CPT1C: variants seen among roughly 807,000 people sequenced by gnomAD.
CPT1C encodes the protein palmitoyl thioesterase CPT1C.
In CPT1C, 61 loss-of-function variants were observed where a neutral mutation model predicts 97.3. That is an observed-to-expected ratio of 0.63 (90% confidence interval 0.51 to 0.78). CPT1C has a LOEUF of 0.78. CPT1C is among the 30% of genes least tolerant of loss of function. The pLI is 0.00. For missense variants in CPT1C, 975 were observed against 1,065.5 expected (o/e 0.92, Z 1.18); for synonymous variants, 469 against 447.2 (o/e 1.05, Z -0.61).
chr19:49,695,481 C>T (rs1287375279), intron 3 of CPT1C, among the ~76,000 whole-genome samples: 1 of 151,582 alleles, frequency 6.6e-6, no homozygotes, highest in Non-Finnish European at 1.5e-5. Context: ...GACAGGGTTT[C>T]ACCATGTTGG....
chr19:49,702,059 T>TATATATTTATTTATAATTTATAAATAA (rs2083165553), intron 7 of CPT1C, among the ~76,000 whole-genome samples: 3 of 77,856 alleles, frequency 3.9e-5, no homozygotes, highest in African/African-American at 1.4e-4. Context: ...ATTATAAATA[T>TATATATTTATTTATAATTTATAAATAA]ATATTTATTT....
chr19:49,694,350 G>A (rs956881335), intron 3 of CPT1C, among the ~76,000 whole-genome samples: 9 of 151,974 alleles, frequency 5.9e-5, no homozygotes, highest in African/African-American at 1.9e-4. Flanking sequence ...GGGGTGGCAG[G>A]CCAGGTGCGG....
Position 49,713,564 on chromosome 19 carries a change from A to G in CPT1C, c.2371A>G (p.Thr791Ala). The G allele has an allele frequency of 6.2e-7, 1 of 1,613,876 alleles. No individual in the cohort carries two copies. Among genetic ancestry groups the G allele is most frequent in the South Asian group, 1.1e-5 (1 of 91,072 alleles). ...CAGGTGTGGATTTCTCTCCCGCCAG[A>G]CTGGGGCCTCCAAGGCCTCAATGAC... ...RHRCGFLSRQTGASKASMTST... is the reference protein window; with the variant it reads ...RHRCGFLSRQAGASKASMTST... Residue 791 changes from threonine (T) to alanine (A), a missense_variant, in exon 20 of 20, where the codon ACT (threonine) becomes GCT (alanine). Physicochemically the swap from Thr to Ala is moderately conservative, Grantham distance 58. This residue lies in a region of CPT1C where 344 missense variants were observed against 395.7 expected (regional missense o/e 0.87). Coordinates refer to ENST00000598293, the MANE Select transcript of CPT1C (RefSeq NM_001199753.2).
At chr19:49,709,689 G>A (rs1001474367) in intron 14 of CPT1C, among the ~76,000 whole-genome samples, 4 of 151,636 alleles carry the variant, frequency 2.6e-5, no homozygotes, top group African/African-American at 9.7e-5. Context: ...TGAGGAGCTG[G>A]GATTACAGGT....
In CPT1C at chr19:49,713,681, C is replaced by A; in HGVS notation, c.*76C>A. The A allele has an allele frequency of 1.4e-6, 2 of 1,437,472 alleles. No individual in the cohort carries two copies. The highest frequency in any genetic ancestry group is 1.9e-6 in the Non-Finnish European group (2 of 1,053,820). 89.0% of individuals were successfully genotyped at this position (1,437,472 alleles called of 1,614,324 possible). A position where few individuals can be genotyped will look rare whatever the true frequency, so the allele number is the denominator to read the frequency against. ...ACAGCTGGCTGACACAGGACAGGGG[C>A]AACTGGTTTGGCAACCCCACATCCA... On this transcript the variant is annotated 3_prime_UTR_variant, in exon 20 of 20. Coordinates refer to ENST00000598293, the MANE Select transcript of CPT1C (RefSeq NM_001199753.2).
Position 49,711,399 on chromosome 19 carries a change from A to G in CPT1C, c.1867-410A>G, listed in dbSNP as rs1381446053. The G allele has an allele frequency of 2.3e-5, 4 of 173,770 alleles. No homozygotes were observed. In the East Asian group the frequency reaches 6.5e-4, roughly 28 times the overall value. The allele number at this position is 173,770 out of a possible 1,614,324, so 10.8% of individuals were successfully genotyped here. A position where few individuals can be genotyped will look rare whatever the true frequency, so the allele number is the denominator to read the frequency against. On this transcript the variant is annotated intron_variant, in intron 16 of 19. Coordinates refer to ENST00000598293, the MANE Select transcript of CPT1C (RefSeq NM_001199753.2). The stretch of plus-strand genomic sequence containing the variant: ...TGGGATTACAGGCGTGAGCCAATGC[A>G]CCTGGCTGGAACTCCATTTTTACAA...
chr19:49,704,890 C>T (rs1314618450), intron 8 of CPT1C, 103 bp downstream of exon 8: 1 of 1,405,430 alleles, frequency 7.1e-7, no homozygotes, highest in Non-Finnish European at 1.0e-6. Flanking sequence ...CTAGACGCGC[C>T]ATCTGGGATT....
intron 5 of CPT1C, 95 bp downstream of exon 5, chr19:49,700,950 G>T (rs568956597): frequency 5.2e-6 from 7 of 1,350,864 alleles, no homozygotes; most frequent in Non-Finnish European, 7.2e-6. Flanking sequence ...CTGGGTCTCT[G>T]TCCCTCTCTC....
At position 49,707,895 on chromosome 19, in the gene CPT1C, C is replaced by T. The variant is rs562202759; in HGVS notation, c.1449+272C>T. 6.8e-5 allele frequency among the ~76,000 whole-genome samples: 10 copies of T among 146,472 alleles called. No individual in the cohort carries two copies. The South Asian group carries it at 1.8e-3, about 26-fold the overall frequency. On this transcript the variant is annotated intron_variant, in intron 13 of 19. Coordinates refer to ENST00000598293, the MANE Select transcript of CPT1C (RefSeq NM_001199753.2). ...GTGTGTGCCTGTAATCCCTGCTACTCGGGAGGCTGAGGCATGAGAATCGCA... is the reference window on the plus strand; with the variant it reads ...GTGTGTGCCTGTAATCCCTGCTACTTGGGAGGCTGAGGCATGAGAATCGCA...
rs139912875 is a variant in CPT1C, at chr19:49,706,816, C to A, written c.1343+403C>A. 3.3e-3 allele frequency among the ~76,000 whole-genome samples: 503 copies of A among 152,234 alleles called. 3 individuals carry two copies. Among genetic ancestry groups the A allele is most frequent in the Non-Finnish European group, 5.4e-3 (365 of 68,024 alleles). On this transcript the variant is annotated intron_variant, in intron 12 of 19. Coordinates refer to ENST00000598293, the MANE Select transcript of CPT1C (RefSeq NM_001199753.2). The surrounding 1 kb of genome is among the most constrained non-coding windows in gnomAD (Gnocchi z 4.8). ...GAACTTGAACCATTCAATCCTCAGG[C>A]CTTAATGCAGGCACCCCAAATCCAT...
intron 16 of CPT1C, chr19:49,711,080 C>T: frequency 2.3e-6 from 1 of 426,794 alleles, no homozygotes; most frequent in Non-Finnish European, 4.2e-6. Flanking sequence ...ACTGGGGGTG[C>T]ACCCAAGAAG....
intron 3 of CPT1C, among the ~76,000 whole-genome samples, chr19:49,692,761 CTG>C (rs1410668659): frequency 2.0e-5 from 3 of 152,238 alleles, no homozygotes; most frequent in African/African-American, 7.2e-5. Flanking sequence ...CAGTCTCACT[CTG>C]TCGCCCAGGC....
chr19:49,712,871 G>T, intron 18 of CPT1C, 22 bp downstream of exon 18: 1 of 1,600,400 alleles, frequency 6.2e-7, no homozygotes, highest in Non-Finnish European at 8.6e-7. Flanking sequence ...TGGGCGCGCT[G>T]GCCCCCAGAG....
chr19:49,700,020 G>A (rs1456339400), intron 4 of CPT1C, among the ~76,000 whole-genome samples: 1 of 151,894 alleles, frequency 6.6e-6, no homozygotes, highest in African/African-American at 2.4e-5. Context: ...TGCCAAGGCA[G>A]GCGGATCACG....
intron 7 of CPT1C, among the ~76,000 whole-genome samples, chr19:49,703,591 C>CCTTCCTTCCTT (rs2083328569): frequency 1.5e-5 from 1 of 68,352 alleles, no homozygotes; most frequent in Admixed American, 1.4e-4. Context: ...CTCCCTCCCT[C>CCTTCCTTCCTT]CCTCCCTTCC....
chr19:49,710,744 A>C lies in CPT1C; in HGVS notation c.1753A>C (p.Thr585Pro). 1 of 1,613,576 alleles carries C rather than the reference A, an allele frequency of 6.2e-7. No homozygotes were observed. Among genetic ancestry groups the C allele is most frequent in the Non-Finnish European group, 8.5e-7 (1 of 1,179,652 alleles). ...HFRDRGQFCL[T>P]YESAMTRLFL... ...CCAGGACAGGGGTCAATTCTGCCTG[A>C]CTTATGAGTCGGCCATGACTCGCTT... is the stretch of plus-strand genomic sequence containing the variant. The change falls in exon 16 of 20, where the codon ACT becomes CCT. Residue 585 changes from threonine to proline, a missense_variant. Thr to Pro is a conservative substitution (Grantham distance 38). Transcript: ENST00000598293.
intron 7 of CPT1C, among the ~76,000 whole-genome samples, chr19:49,703,386 G>A (rs1169747099): frequency 2.0e-5 from 3 of 146,524 alleles, no homozygotes; most frequent in African/African-American, 7.8e-5. Context: ...ATTTTTAGTA[G>A]AGATGGGGTT....
intron 7 of CPT1C, among the ~76,000 whole-genome samples, chr19:49,703,819 C>T (rs1414647127): frequency 2.6e-5 from 4 of 151,626 alleles, no homozygotes. Context: ...TTTTTGTAGA[C>T]ATGGGGTCTT....
chr19:49,701,625 G>C lies in CPT1C; in HGVS notation c.684G>C (p.Ala228=). Residue 228 remains alanine, a synonymous_variant, in exon 7 of 20, where the codon GCG becomes GCC. Coordinates refer to ENST00000598293, the MANE Select transcript of CPT1C (RefSeq NM_001199753.2). ...ACCTGCGGCTCAAGTCCTGGTGGGCGTCCAATTATGTGAGTCCCGCCACCG... is the reference window on the plus strand; with the variant it reads ...ACCTGCGGCTCAAGTCCTGGTGGGCCTCCAATTATGTGAGTCCCGCCACCG... ...QWYLRLKSWW[A]SNYVSDWWEE... 6.2e-7 allele frequency: 1 copy of C among 1,601,230 alleles called. No homozygotes were observed. The highest frequency in any genetic ancestry group is 8.5e-7 in the Non-Finnish European group (1 of 1,171,586).
Sources: allele counts gnomAD v4.1 joint callset (sites outside exome capture counted in the v4.1 genomes callset), GRCh38; gene constraint gnomAD v4.1.1; regional missense constraint gnomAD v4.1.1; non-coding constraint Gnocchi (gnomAD v3.1); transcripts MANE v1.5; gene names NCBI Gene and HGNC (gene_info 2026-07-23, HGNC 2026-07-21).